TBC1D4: variants seen among roughly 807,000 people sequenced by gnomAD.
TBC1D4 encodes TBC (Tre-2, BUB2, CDC16) domain-containing protein.
In TBC1D4, 121 loss-of-function variants were observed where a neutral mutation model predicts 142.5. That is an observed-to-expected ratio of 0.85 (90% CI 0.73 to 0.99). The LOEUF (loss-of-function observed/expected upper bound fraction) is 0.99, where lower values mean the gene tolerates loss of function less well. TBC1D4 is among the 50% of genes least tolerant of loss of function. The pLI, the probability that TBC1D4 is intolerant of heterozygous loss-of-function variation, is 0.00. For missense variants in TBC1D4, 1,475 were observed against 1,606.6 expected (o/e 0.92, Z 1.40); for synonymous variants, 630 against 628.2 (o/e 1.00, Z -0.04).
At chr13:75,422,524 A>G (rs1886213085) in intron 1 of TBC1D4, among the ~76,000 whole-genome samples, 1 of 152,240 alleles carries the variant, frequency 6.6e-6, no homozygotes. Flanking sequence ...AAATATTGAG[A>G]ATTTCTGCTA....
At chr13:75,431,800 A>T (rs748991057) in intron 1 of TBC1D4, among the ~76,000 whole-genome samples, 7 of 152,234 alleles carry the variant, frequency 4.6e-5, no homozygotes, top group African/African-American at 9.6e-5. Context: ...AAAGATTCAG[A>T]TAATTTATAT....
Position 75,337,164 on chromosome 13 carries a change from G to C in TBC1D4, c.1612-124C>G, listed in dbSNP as rs547536744. On this transcript the variant is annotated intron_variant, in intron 7 of 20. Coordinates refer to ENST00000377636, the MANE Select transcript of TBC1D4 (RefSeq NM_014832.5). ...AATTCTTCAGTAGCTCTATTAATAA[G>C]TAATAATTTAGGTCCCACACTGTGA... 135 of 865,480 alleles carry C rather than the reference G, an allele frequency of 1.6e-4. No homozygotes were observed. The African/African-American group carries it at 2.0e-3, about 13-fold the overall frequency. 53.6% of individuals were successfully genotyped at this position (865,480 alleles called of 1,614,324 possible).
intron 1 of TBC1D4, among the ~76,000 whole-genome samples, chr13:75,453,066 A>G (rs1887594803): frequency 6.6e-6 from 1 of 152,176 alleles, no homozygotes; most frequent in South Asian, 2.1e-4. Context: ...AAATGCATTA[A>G]AATTCCTATC....
At chr13:75,481,200 G>GCTCC in intron 1 of TBC1D4, 70 bp downstream of exon 1, 8 of 633,006 alleles carry the variant, frequency 1.3e-5, no homozygotes, top group East Asian at 1.0e-4. Context: ...TGGGGTCCCC[G>GCTCC]CCCCTCCCGC....
chr13:75,325,927 C>A (rs1432273990), intron 10 of TBC1D4, among the ~76,000 whole-genome samples: 1 of 152,096 alleles, frequency 6.6e-6, no homozygotes, highest in Non-Finnish European at 1.5e-5. Context: ...GGTTTTCAGA[C>A]AAAACAACTG....
chr13:75,388,858 T>C (rs1566450939), intron 1 of TBC1D4, among the ~76,000 whole-genome samples: 1 of 152,184 alleles, frequency 6.6e-6, no homozygotes, highest in East Asian at 1.9e-4. Context: ...TATGTGCATA[T>C]AGGTTATAAT....
intron 12 of TBC1D4, among the ~76,000 whole-genome samples, chr13:75,318,863 G>A (rs1490990552): frequency 6.6e-6 from 1 of 151,988 alleles, no homozygotes; most frequent in African/African-American, 2.4e-5. Context: ...TAGTATATTG[G>A]AATTTAAAAC....
intron 1 of TBC1D4, among the ~76,000 whole-genome samples, chr13:75,460,764 T>TA (rs781324963): frequency 1.9e-3 from 285 of 147,352 alleles, no homozygotes; most frequent in Middle Eastern, 6.9e-3. Flanking sequence ...TCACTAAAAA[T>TA]AAAAAAAAAA....
chr13:75,470,920 G>A (rs1888372068), intron 1 of TBC1D4, among the ~76,000 whole-genome samples: 1 of 151,976 alleles, frequency 6.6e-6, no homozygotes, highest in Admixed American at 6.6e-5. Flanking sequence ...CTAAGAGGTG[G>A]GGGTTGAAGT....
intron 1 of TBC1D4, among the ~76,000 whole-genome samples, chr13:75,364,102 G>C (rs1408929): frequency 1.3e-5 from 2 of 151,904 alleles, no homozygotes; most frequent in Admixed American, 6.6e-5. Flanking sequence ...TGTGCATGGT[G>C]GGGGCGGTGC....
At chr13:75,412,444 G>T (rs976567268) in intron 1 of TBC1D4, among the ~76,000 whole-genome samples, 1 of 151,914 alleles carries the variant, frequency 6.6e-6, no homozygotes, top group Non-Finnish European at 1.5e-5. Context: ...TTACACACAC[G>T]CATGCACACA....
At chr13:75,341,351 G>A (rs1880685386) in intron 6 of TBC1D4, 116 bp from the exon 7 acceptor site, 2 of 1,279,428 alleles carry the variant, frequency 1.6e-6, no homozygotes, top group Admixed American at 3.6e-5. Context: ...AGAAGCAAAA[G>A]TAAAATGGCA....
chr13:75,463,127 AC>A (rs1183229091), intron 1 of TBC1D4, among the ~76,000 whole-genome samples: 1 of 152,036 alleles, frequency 6.6e-6, no homozygotes, highest in Non-Finnish European at 1.5e-5. Flanking sequence ...CTGTTAACGC[AC>A]TCACAGTATT....
At chr13:75,334,958 C>T (rs1480890331) in intron 8 of TBC1D4, among the ~76,000 whole-genome samples, 1 of 152,110 alleles carries the variant, frequency 6.6e-6, no homozygotes, top group South Asian at 2.1e-4. Flanking sequence ...CTTCTTCAGT[C>T]CCTGTGTATA....
intron 17 of TBC1D4, among the ~76,000 whole-genome samples, chr13:75,295,535 A>C (rs1380288589): frequency 1.3e-5 from 2 of 152,222 alleles, no homozygotes; most frequent in Non-Finnish European, 2.9e-5. Flanking sequence ...CAGGGCCAGA[A>C]GCTTGAGATT....
At chr13:75,323,215 C>T (rs1319143230) in intron 11 of TBC1D4, among the ~76,000 whole-genome samples, 1 of 152,070 alleles carries the variant, frequency 6.6e-6, no homozygotes, top group Non-Finnish European at 1.5e-5. Context: ...ACATGTATTC[C>T]TCTCCTGACT....
intron 1 of TBC1D4, among the ~76,000 whole-genome samples, chr13:75,479,023 CTT>C (rs1409973937): frequency 6.6e-6 from 1 of 152,230 alleles, no homozygotes; most frequent in Non-Finnish European, 1.5e-5. Flanking sequence ...TCCACTCTCT[CTT>C]GGGAAATCAG....
At chr13:75,429,183 G>A (rs1313613381) in intron 1 of TBC1D4, among the ~76,000 whole-genome samples, 2 of 152,168 alleles carry the variant, frequency 1.3e-5, no homozygotes, top group African/African-American at 4.8e-5. Flanking sequence ...AGAAAAGAAT[G>A]AAGCATATCT....
At chr13:75,440,736 TTTC>T (rs1161824244) in intron 1 of TBC1D4, among the ~76,000 whole-genome samples, 3 of 140,004 alleles carry the variant, frequency 2.1e-5, no homozygotes, top group African/African-American at 9.1e-5. Flanking sequence ...GTTTTATTTG[TTTC>T]TTTTTTTTTT....
Sources: allele counts gnomAD v4.1 joint callset (sites outside exome capture counted in the v4.1 genomes callset), GRCh38; gene constraint gnomAD v4.1.1; transcripts MANE v1.5; gene names NCBI Gene and HGNC (gene_info 2026-07-23, HGNC 2026-07-21).